The following OPA1 variants were observed in gnomAD, a reference collection of about 807,000 sequenced individuals.
The protein encoded by OPA1 is dynamin-like GTPase OPA1, mitochondrial.
In OPA1, 59 loss-of-function variants were observed where a neutral mutation model predicts 152.9. The observed-to-expected ratio is 0.39, with a 90% CI of 0.31 to 0.48. The LOEUF (loss-of-function observed/expected upper bound fraction) is 0.48, where lower values mean the gene tolerates loss of function less well. Among genes scored for constraint, OPA1 ranks in the 20% least tolerant of loss-of-function variants. The pLI, the probability that OPA1 is intolerant of heterozygous loss-of-function variation, is 0.96. For missense variants in OPA1, 1,008 were observed against 1,216.8 expected (o/e 0.83, Z 2.55); for synonymous variants, 400 against 389.9 (o/e 1.03, Z -0.31).
intron 3 of OPA1, among the ~76,000 whole-genome samples, chr3:193,616,947 C>G (rs946465461): frequency 6.6e-6 from 1 of 152,196 alleles, no homozygotes; most frequent in Non-Finnish European, 1.5e-5. Flanking sequence ...AGTACCACAG[C>G]GTAGTGGCTG....
chr3:193,598,536 C>G (rs1476606722), intron 1 of OPA1, among the ~76,000 whole-genome samples: 1 of 152,072 alleles, frequency 6.6e-6, no homozygotes, highest in Non-Finnish European at 1.5e-5. Flanking sequence ...GAGAGAAAAA[C>G]AATAAGGCTC....
intron 29 of OPA1, among the ~76,000 whole-genome samples, chr3:193,682,742 C>T (rs554145904): frequency 6.6e-6 from 1 of 152,140 alleles, no homozygotes; most frequent in South Asian, 2.1e-4. Flanking sequence ...TTATAACTCT[C>T]GAGACCTGCT....
At chr3:193,662,453 A>T (rs1329453982) in intron 25 of OPA1, among the ~76,000 whole-genome samples, 1 of 152,220 alleles carries the variant, frequency 6.6e-6, no homozygotes, top group Non-Finnish European at 1.5e-5. Flanking sequence ...CTTCCTATGC[A>T]TTCAGGGTGC....
intron 6 of OPA1, among the ~76,000 whole-genome samples, chr3:193,625,839 A>G (rs983870701): frequency 2.0e-5 from 3 of 151,428 alleles, no homozygotes; most frequent in African/African-American, 7.3e-5. Context: ...CATTTTATTT[A>G]GCACTTATTA....
At chr3:193,612,912 G>A (rs1247173430) in intron 1 of OPA1, among the ~76,000 whole-genome samples, 1 of 152,180 alleles carries the variant, frequency 6.6e-6, no homozygotes, top group African/African-American at 2.4e-5. Flanking sequence ...GTGGAGCTCG[G>A]AATCTGAGAG....
chr3:193,688,284 T>C (rs747125364), intron 29 of OPA1, among the ~76,000 whole-genome samples: 1 of 151,954 alleles, frequency 6.6e-6, no homozygotes, highest in Non-Finnish European at 1.5e-5. Flanking sequence ...CCTGTATTGT[T>C]CTCCAGGGGC....
chr3:193,665,855 T>C (rs1002106744), intron 27 of OPA1, among the ~76,000 whole-genome samples: 1 of 152,214 alleles, frequency 6.6e-6, no homozygotes, highest in Admixed American at 6.5e-5. Context: ...TAAGCTTCTT[T>C]TTAAATACAT....
chr3:193,603,270 T>C (rs1726737694), intron 1 of OPA1, among the ~76,000 whole-genome samples: 1 of 152,248 alleles, frequency 6.6e-6, no homozygotes, highest in South Asian at 2.1e-4. Flanking sequence ...TCCTTTTAGA[T>C]ACCAGTTTTG....
chr3:193,672,515 A>C (rs577401673), intron 29 of OPA1, among the ~76,000 whole-genome samples: 16 of 152,326 alleles, frequency 1.1e-4, no homozygotes, highest in Non-Finnish European at 2.1e-4. Flanking sequence ...GTGTAATCAG[A>C]GACTTATTGA....
rs1450063835 is a variant in OPA1, at chr3:193,692,148, C to G, written c.*5+16C>G. The G allele has an allele frequency of 1.5e-6, 2 of 1,335,250 alleles. No individual in the cohort carries two copies. The highest frequency in any genetic ancestry group is 1.1e-6 in the Non-Finnish European group (1 of 943,888). The allele number at this position is 1,335,250 out of a possible 1,614,324, so 82.7% of individuals were successfully genotyped here. A position where few individuals can be genotyped will look rare whatever the true frequency, so the allele number is the denominator to read the frequency against. ...AATAAATTAAGTGAGTAAAAATTCT[C>G]TAACTGTATTGGTGCTGACTAAATA... On this transcript the variant is annotated intron_variant, in intron 30 of 30. Coordinates refer to ENST00000361510, the MANE Select transcript of OPA1 (RefSeq NM_130837.3).
chr3:193,687,476 G>A (rs535447245), intron 29 of OPA1, among the ~76,000 whole-genome samples: 1 of 152,258 alleles, frequency 6.6e-6, no homozygotes, highest in Non-Finnish European at 1.5e-5. Flanking sequence ...TTCTTTATTT[G>A]TGAATATTTA....
chr3:193,670,569 T>C (rs1264225637), intron 29 of OPA1, among the ~76,000 whole-genome samples: 1 of 151,992 alleles, frequency 6.6e-6, no homozygotes, highest in African/African-American at 2.4e-5. Context: ...GGTTTCCCCA[T>C]GTTAGCCAGG....
intron 1 of OPA1, among the ~76,000 whole-genome samples, chr3:193,605,107 G>A (rs1010873594): frequency 4.6e-5 from 7 of 152,120 alleles, no homozygotes; most frequent in African/African-American, 1.7e-4. Context: ...AACCCTTGTG[G>A]CATTACACTC....
chr3:193,672,907 T>A lies in OPA1; in HGVS notation c.2983+5627T>A, dbSNP rs142767203. ...AAACGAAAAACAAAAACCTAAGGAG[T>A]CTTTTCTCCTTATTTTACAATAAAT... On this transcript the variant is annotated intron_variant, in intron 29 of 30. Coordinates refer to ENST00000361510, the MANE Select transcript of OPA1 (RefSeq NM_130837.3). 3.3e-3 allele frequency among the ~76,000 whole-genome samples: 501 copies of A among 149,894 alleles called. 1 individual carries two copies. The highest frequency in any genetic ancestry group is 0.012 in the African/African-American group (481 of 40,770).
chr3:193,664,188 A>C (rs1715974660), intron 26 of OPA1, among the ~76,000 whole-genome samples: 1 of 152,138 alleles, frequency 6.6e-6, no homozygotes, highest in Non-Finnish European at 1.5e-5. Context: ...GCAAAGTACC[A>C]CGAGAAGAAT....
At chr3:193,606,319 A>C (rs1727265189) in intron 1 of OPA1, among the ~76,000 whole-genome samples, 1 of 152,094 alleles carries the variant, frequency 6.6e-6, no homozygotes, top group Non-Finnish European at 1.5e-5. Flanking sequence ...CACAACGTGC[A>C]GGTTTGTTAC....
intron 30 of OPA1, among the ~76,000 whole-genome samples, chr3:193,694,007 G>T (rs1283069709): frequency 6.6e-6 from 1 of 152,158 alleles, no homozygotes; most frequent in African/African-American, 2.4e-5. Flanking sequence ...TTAACAAAAT[G>T]AGGAAGCTGA....
chr3:193,686,053 A>G (rs561861324), intron 29 of OPA1, among the ~76,000 whole-genome samples: 5 of 152,184 alleles, frequency 3.3e-5, no homozygotes, highest in Non-Finnish European at 2.9e-5. Context: ...CTTAAAAAAA[A>G]TTTTCATCAA....
In OPA1 at chr3:193,687,375, C is replaced by T. The variant is rs117576206; in HGVS notation, c.2984-4688C>T. 2.8e-3 allele frequency among the ~76,000 whole-genome samples: 432 copies of T among 152,252 alleles called. 3 individuals carry two copies. Among genetic ancestry groups the T allele is most frequent in the South Asian group, 0.017 (83 of 4,828 alleles). On this transcript the variant is annotated intron_variant, in intron 29 of 30. Coordinates refer to ENST00000361510, the MANE Select transcript of OPA1 (RefSeq NM_130837.3). ...GAAAGTAGACTCAGTATTCACTACA[C>T]GTAGAAATAGCTATTTCTGTATAGC...
Sources: allele counts gnomAD v4.1 joint callset (sites outside exome capture counted in the v4.1 genomes callset), GRCh38; gene constraint gnomAD v4.1.1; transcripts MANE v1.5; gene names NCBI Gene and HGNC (gene_info 2026-07-23, HGNC 2026-07-21).